The following LATS2 variants were observed in gnomAD, a reference collection of about 807,000 sequenced individuals.
LATS2 encodes the protein large tumor suppressor kinase 2.
Under a neutral mutation model 76.0 loss-of-function variants are expected in LATS2, and 24 were observed. That is an observed-to-expected ratio of 0.32 (90% CI 0.23 to 0.44). The LOEUF (loss-of-function observed/expected upper bound fraction) is 0.44. LATS2 is among the 20% of genes least tolerant of loss of function. The pLI, the probability that LATS2 is intolerant of heterozygous loss-of-function variation, is 1.00. For missense variants in LATS2, 1,286 were observed against 1,481.2 expected (o/e 0.87, Z 2.16); for synonymous variants, 692 against 635.4 (o/e 1.09, Z -1.34).
intron 2 of LATS2, among the ~76,000 whole-genome samples, chr13:21,010,356 G>A (rs781398659): frequency 1.3e-5 from 2 of 151,534 alleles, no homozygotes; most frequent in Non-Finnish European, 2.9e-5. Flanking sequence ...TGGTAAAACC[G>A]AAAGGCCCCA....
chr13:21,005,471 AGG>A (rs923417331), intron 2 of LATS2: 1 of 152,276 alleles, frequency 6.6e-6, no homozygotes, highest in Non-Finnish European at 1.5e-5. Context: ...GGGTCAAAAA[AGG>A]GCTTGCCAAG....
At chr13:21,012,270 T>C (rs1871620802) in intron 2 of LATS2, among the ~76,000 whole-genome samples, 1 of 152,080 alleles carries the variant, frequency 6.6e-6, no homozygotes, top group Non-Finnish European at 1.5e-5. Flanking sequence ...CTGGAAGTTG[T>C]GGAGGGTGAG....
At chr13:21,023,646 TAAA>T (rs1169391710) in intron 2 of LATS2, among the ~76,000 whole-genome samples, 3 of 70,076 alleles carry the variant, frequency 4.3e-5, no homozygotes, top group South Asian at 5.7e-4. Flanking sequence ...TGACTGGCTT[TAAA>T]AAAAAAAAAA....
chr13:21,009,787 G>C lies in LATS2; in HGVS notation c.343-18383C>G, dbSNP rs368357711. The stretch of plus-strand genomic sequence containing the variant: ...CACAGGGCAGTGAGGATGAGGTATG[G>C]GTGGAAAAAGAGGCCTCCCTGGAGG... On this transcript the variant is annotated intron_variant, in intron 2 of 7. Coordinates refer to ENST00000382592, the MANE Select transcript of LATS2 (RefSeq NM_014572.3). Among the ~76,000 whole-genome samples, 239 of 152,326 alleles carry C rather than the reference G, an allele frequency of 1.6e-3. 1 individual carries two copies. Among genetic ancestry groups the C allele is most frequent in the African/African-American group, 5.0e-3 (209 of 41,574 alleles).
At chr13:20,981,382 T>C (rs1869869511) in intron 6 of LATS2, 84 bp downstream of exon 6, 7 of 1,315,118 alleles carry the variant, frequency 5.3e-6, no homozygotes, top group Middle Eastern at 2.5e-4. Context: ...CATTAGGTCC[T>C]TGGAAAGCTA....
At chr13:21,028,553 A>C (rs1040249871) in intron 2 of LATS2, among the ~76,000 whole-genome samples, 1 of 152,218 alleles carries the variant, frequency 6.6e-6, no homozygotes, top group Non-Finnish European at 1.5e-5. Flanking sequence ...GTATTTCTAA[A>C]TACTACTGTA....
rs1364823444 is a variant in LATS2 at position 20,973,197 on chromosome 13, C to A, written c.*1673G>T. ...ACAACATGGCACGACTATAAAATAG[C>A]GAGAATACTGACAGTCACGACGACA... On this transcript the variant is annotated 3_prime_UTR_variant, in exon 8 of 8. Transcript: ENST00000382592. The A allele has an allele frequency of 1.3e-5, 3 of 232,354 alleles. No homozygotes were observed. The highest frequency in any genetic ancestry group is 2.6e-5 in the Non-Finnish European group (3 of 117,308). The allele number at this position is 232,354 out of a possible 1,614,324, so 14.4% of individuals were successfully genotyped here.
At chr13:21,033,639 C>T (rs1048016825) in intron 2 of LATS2, among the ~76,000 whole-genome samples, 4 of 149,318 alleles carry the variant, frequency 2.7e-5, no homozygotes, top group Non-Finnish European at 4.4e-5. Flanking sequence ...GGTTGACAGA[C>T]GGCACAGAGT....
intron 2 of LATS2, among the ~76,000 whole-genome samples, chr13:21,024,093 C>CAAAAAAAAA (rs748881098): frequency 3.8e-5 from 3 of 79,232 alleles, no homozygotes; most frequent in Non-Finnish European, 5.4e-5. Flanking sequence ...TCTCGCTGTG[C>CAAAAAAAAA]AAAAAAAAAA....
intron 2 of LATS2, among the ~76,000 whole-genome samples, chr13:21,024,346 G>T (rs1872218140): frequency 6.6e-6 from 1 of 152,072 alleles, no homozygotes; most frequent in Non-Finnish European, 1.5e-5. Flanking sequence ...TGAGGCAGGA[G>T]AATTGTTTGA....
chr13:21,033,167 G>T (rs1872589242), intron 2 of LATS2, among the ~76,000 whole-genome samples: 1 of 151,784 alleles, frequency 6.6e-6, no homozygotes, highest in Non-Finnish European at 1.5e-5. Context: ...CTCATTAACA[G>T]AAAGACTGGA....
chr13:21,052,781 A>G (rs1595259412), intron 1 of LATS2, among the ~76,000 whole-genome samples: 4 of 129,942 alleles, frequency 3.1e-5, no homozygotes, highest in African/African-American at 1.1e-4. Flanking sequence ...ACGTGCCTGC[A>G]GCCAGGTGCC....
At chr13:21,013,380 A>G (rs1871674861) in intron 2 of LATS2, among the ~76,000 whole-genome samples, 1 of 152,218 alleles carries the variant, frequency 6.6e-6, no homozygotes, top group South Asian at 2.1e-4. Flanking sequence ...GCATGAGGGA[A>G]TATTAATGAT....
intron 1 of LATS2, among the ~76,000 whole-genome samples, chr13:21,058,251 A>T (rs1873510557): frequency 6.6e-6 from 1 of 152,260 alleles, no homozygotes; most frequent in African/African-American, 2.4e-5. Flanking sequence ...AGTAAGAAAT[A>T]CTGTTCAGAA....
intron 2 of LATS2, among the ~76,000 whole-genome samples, chr13:21,044,045 T>C (rs1418158007): frequency 6.6e-6 from 1 of 152,222 alleles, no homozygotes; most frequent in Non-Finnish European, 1.5e-5. Flanking sequence ...GCTTTCACAA[T>C]AAGAATGTCT....
chr13:21,024,093 C>CAAAAAAA (rs748881098), intron 2 of LATS2, among the ~76,000 whole-genome samples: 29 of 78,994 alleles, frequency 3.7e-4, no homozygotes, highest in East Asian at 6.0e-4. Context: ...TCTCGCTGTG[C>CAAAAAAA]AAAAAAAAAA....
chr13:21,012,744 C>T (rs115523281), intron 2 of LATS2, among the ~76,000 whole-genome samples: 3,456 of 151,800 alleles, frequency 0.023, 158 homozygotes, highest in African/African-American at 0.079. Flanking sequence ...TAGCACAGGG[C>T]GGGAGCTGTG....
chr13:21,017,054 C>T lies in LATS2; in HGVS notation c.343-25650G>A, dbSNP rs528543951. On this transcript the variant is annotated intron_variant, in intron 2 of 7. Transcript: ENST00000382592. ...ATGGCAGAACCGGAAACAAATTCATCTTCATTAGTGCTTCTTACCCAGATT... is the reference window on the plus strand; with the variant it reads ...ATGGCAGAACCGGAAACAAATTCATTTTCATTAGTGCTTCTTACCCAGATT... 1.1e-4 allele frequency among the ~76,000 whole-genome samples: 17 copies of T among 152,312 alleles called. No individual in the cohort carries two copies. In the East Asian group the frequency reaches 3.3e-3, roughly 29 times the overall value.
chr13:21,035,465 G>T (rs752153759), intron 2 of LATS2, among the ~76,000 whole-genome samples: 1 of 152,104 alleles, frequency 6.6e-6, no homozygotes, highest in Non-Finnish European at 1.5e-5. Context: ...ATTGCATGCA[G>T]ACTGGAGACC....
Sources: gnomAD v4.1 joint callset for allele counts (sites outside exome capture counted in the v4.1 genomes callset) on GRCh38, gnomAD v4.1.1 for gene constraint, MANE v1.5 for transcripts, NCBI Gene and HGNC (gene_info 2026-07-23, HGNC 2026-07-21) for gene names.